The following CCHCR1 variants were observed in gnomAD, a reference collection of about 807,000 sequenced individuals.
CCHCR1 encodes coiled-coil alpha-helical rod protein 1.
A neutral mutation model predicts 114.6 loss-of-function variants in CCHCR1; 91 were observed. The ratio of observed to expected loss-of-function variants is 0.79; its 90% CI spans 0.67 to 0.94. CCHCR1 has a LOEUF of 0.94. CCHCR1 is among the 40% of genes least tolerant of loss of function. CCHCR1 has a pLI of 0.00. For synonymous variants in CCHCR1, 379 were observed against 428.5 expected (o/e 0.88, Z 1.43); for missense variants, 899 against 1,079.9 (o/e 0.83, Z 2.35).
chr6:31,146,639 G>T (rs1300699912), intron 10 of CCHCR1, among the ~76,000 whole-genome samples: 2 of 152,186 alleles, frequency 1.3e-5, no homozygotes, highest in Non-Finnish European at 2.9e-5. Context: ...TCTGGAAATT[G>T]TTCCAGTAGA....
chr6:31,154,965 A>G lies in CCHCR1; in HGVS notation c.498-166T>C, dbSNP rs2151060350. 6.6e-6 allele frequency among the ~76,000 whole-genome samples: 1 copy of G among 152,252 alleles called. No individual in the cohort carries two copies. Among genetic ancestry groups the G allele is most frequent in the East Asian group, 1.9e-4 (1 of 5,170 alleles). On this transcript the variant is annotated intron_variant, in intron 3 of 17. Coordinates refer to ENST00000396268, the MANE Select transcript of CCHCR1 (RefSeq NM_001105564.2). This position sits in a 1 kb window ranked among gnomAD's most constrained non-coding sequence, Gnocchi z 4.1. ...TGGGGATGTCTGCATTGACATCATC[A>G]TCATTCATCAAAGCCCTATTGAGCA...
chr6:31,153,658 C>T (rs1243847072), intron 4 of CCHCR1, among the ~76,000 whole-genome samples: 2 of 152,082 alleles, frequency 1.3e-5, no homozygotes, highest in Admixed American at 6.5e-5. Flanking sequence ...CGGCTCACTG[C>T]AACCTCCACT....
In CCHCR1 at chr6:31,151,733, T is replaced by C. The variant is rs527987239; in HGVS notation, c.802-611A>G. On this transcript the variant is annotated intron_variant, in intron 4 of 17. Transcript: ENST00000396268. The surrounding 1 kb of genome is among the most constrained non-coding windows in gnomAD (Gnocchi z 4.1). ...CCATATCTTGCTTATGTGTATGTGT[T>C]ACTATCTGTCGGACCACACTGGAAG... is the stretch of plus-strand genomic sequence containing the variant. Among the ~76,000 whole-genome samples, 44 of 152,326 alleles carry C rather than the reference T, an allele frequency of 2.9e-4. No homozygotes were observed. The highest frequency in any genetic ancestry group is 6.8e-3 in the Middle Eastern group (2 of 294).
Position 31,156,874 on chromosome 6 carries a change from G to A in CCHCR1, c.354C>T (p.Pro118=). The change falls in exon 3 of 18, where the codon CCC becomes CCT. Residue 118 remains proline (P), a synonymous_variant. Transcript: ENST00000396268. ...RPLSTLPRMA[P]TWLSDIPLVQ... is the part of the protein sequence containing the mutation. The stretch of plus-strand genomic sequence containing the variant: ...CCAGGGGAATGTCTGAGAGCCAGGT[G>A]GGAGCCATTCTTGGCAGAGTTGAAA... 1 of 1,612,958 alleles carries A rather than the reference G, an allele frequency of 6.2e-7. No individual in the cohort carries two copies. Among genetic ancestry groups the A allele is most frequent in the East Asian group, 2.2e-5 (1 of 44,880 alleles).
chr6:31,145,506 AAGC>A lies in CCHCR1; in HGVS notation c.1694-16_1694-14del. ...CGAGCAATCAGGCCTGGAGGGGAAA[AAGC>A]AGGGAGAAAAAGAGATGAAGTTTGC... On this transcript the variant is annotated splice_polypyrimidine_tract_variant and intron_variant, in intron 11 of 17. Transcript: ENST00000396268. 6.2e-7 allele frequency: 1 copy of A among 1,613,880 alleles called. No homozygotes were observed. The highest frequency in any genetic ancestry group is 8.5e-7 in the Non-Finnish European group (1 of 1,179,790).
chr6:31,156,274 T>C (rs1314802503), intron 3 of CCHCR1: 2 of 163,946 alleles, frequency 1.2e-5, no homozygotes, highest in Non-Finnish European at 2.6e-5. Flanking sequence ...GATATCCCAG[T>C]ACATCTGGGA....
In CCHCR1 at chr6:31,154,542, C is replaced by T; in HGVS notation, c.755G>A (p.Gly252Glu). Residue 252 changes from glycine (G) to glutamate (E), a missense_variant, in exon 4 of 18, where the codon GGG (glycine) becomes GAG (glutamate). By Grantham distance (98) the Gly-to-Glu change is moderately conservative (BLOSUM62 -2). Coordinates refer to ENST00000396268, the MANE Select transcript of CCHCR1 (RefSeq NM_001105564.2). The surrounding 1 kb of genome is among the most constrained non-coding windows in gnomAD (Gnocchi z 4.1). The part of the protein sequence containing the change: ...AEVVRKNLEE[G>E]SQRELEEVQR... ...AACCTCTTCCAGCTCCCGCTGGCTC[C>T]CCTCTTCCAAGTTCTTCCGGACAAC... is the stretch of plus-strand genomic sequence containing the variant. The T allele has an allele frequency of 1.2e-6, 2 of 1,612,972 alleles. No homozygotes were observed. The highest frequency in any genetic ancestry group is 1.7e-6 in the Non-Finnish European group (2 of 1,179,920).
At chr6:31,148,962 A>G (rs9263761) in intron 8 of CCHCR1, among the ~76,000 whole-genome samples, 127,173 of 151,466 alleles carry the variant, frequency 0.84, 53,629 homozygotes, top group Middle Eastern at 0.95. Flanking sequence ...GATCAGCCTG[A>G]CCAACATGGT....
intron 9 of CCHCR1, 34 bp from the exon 10 acceptor site, chr6:31,148,545 C>T (rs1774688908): frequency 1.9e-6 from 3 of 1,599,128 alleles, no homozygotes; most frequent in Non-Finnish European, 2.6e-6. Flanking sequence ...AGGGTCCCTC[C>T]CTAAGTCCTG....
intron 17 of CCHCR1, 22 bp from the exon 18 acceptor site, chr6:31,142,738 G>A: frequency 1.0e-5 from 16 of 1,599,076 alleles, no homozygotes; most frequent in Non-Finnish European, 1.3e-5. Context: ...GACAGCAGAT[G>A]AGCACCAGAC....
intron 4 of CCHCR1, among the ~76,000 whole-genome samples, chr6:31,152,402 G>A (rs1199106315): frequency 3.3e-5 from 5 of 151,674 alleles, no homozygotes; most frequent in African/African-American, 1.2e-4. Context: ...GCAATGGCAC[G>A]ATCTCAGCTC....
In CCHCR1 at chr6:31,157,755, C is replaced by T; in HGVS notation, c.-155G>A. ...CTTAGCTTCCATGCCTGCTGCCCGC[C>T]TCCTCTTTCTCGAGTCCTAACACAT... On this transcript the variant is annotated 5_prime_UTR_variant, in exon 1 of 18. Transcript: ENST00000396268. 1.6e-6 allele frequency: 1 copy of T among 627,650 alleles called. No homozygotes were observed. The highest frequency in any genetic ancestry group is 2.9e-5 in the Admixed American group (1 of 34,748). The allele number at this position is 627,650 out of a possible 1,614,324, so 38.9% of individuals were successfully genotyped here.
chr6:31,149,979 CAAT>C (rs72545981), intron 8 of CCHCR1, 84 bp downstream of exon 8: 225,111 of 1,480,522 alleles, frequency 0.15, 17,865 homozygotes, highest in Non-Finnish European at 0.17. Flanking sequence ...GGCAACCACT[CAAT>C]AAACACTGGT....
In CCHCR1 at chr6:31,154,519, C is replaced by T; in HGVS notation, c.778G>A (p.Val260Ile). 1 of 1,612,454 alleles carries T rather than the reference C, an allele frequency of 6.2e-7. No homozygotes were observed. The highest frequency in any genetic ancestry group is 8.5e-7 in the Non-Finnish European group (1 of 1,179,508). Residue 260 changes from valine to isoleucine, a missense_variant, in exon 4 of 18, where the codon GTT (valine) becomes ATT (isoleucine). Coordinates refer to ENST00000396268, the MANE Select transcript of CCHCR1 (RefSeq NM_001105564.2). This position sits in a 1 kb window ranked among gnomAD's most constrained non-coding sequence, Gnocchi z 4.1. The part of the protein sequence containing the change: ...EEGSQRELEE[V>I]QRLHQEQLSS... ...ACCTGCTCTTGGTGCAGCCTCTGAA[C>T]CTCTTCCAGCTCCCGCTGGCTCCCC...
In CCHCR1 at chr6:31,149,959, C is replaced by A. The variant is rs979603779; in HGVS notation, c.1362+107G>T. ...TTTTAGTTTTGTTCAGGGCTGTGTGCCCAGCATGTGGCAACCACTCAATAA... is the reference window on the plus strand; with the variant it reads ...TTTTAGTTTTGTTCAGGGCTGTGTGACCAGCATGTGGCAACCACTCAATAA... On this transcript the variant is annotated intron_variant, in intron 8 of 17. Transcript: ENST00000396268. The A allele has an allele frequency of 2.3e-5, 29 of 1,260,812 alleles. No individual in the cohort carries two copies. In the Admixed American group the frequency reaches 5.0e-4, roughly 22 times the overall value. The allele number at this position is 1,260,812 out of a possible 1,614,324, so 78.1% of individuals were successfully genotyped here.
rs9263768 is a variant in CCHCR1 at position 31,151,272 on chromosome 6, C to T, written c.802-150G>A. 0.14 allele frequency: 106,411 copies of T among 763,420 alleles called. 8,264 individuals are homozygous for T. The highest frequency in any genetic ancestry group is 0.16 in the African/African-American group (9,082 of 57,220). 47.3% of individuals were successfully genotyped at this position (763,420 alleles called of 1,614,324 possible). On this transcript the variant is annotated intron_variant, in intron 4 of 17. Transcript: ENST00000396268. The surrounding 1 kb of genome is among the most constrained non-coding windows in gnomAD (Gnocchi z 4.1). The stretch of plus-strand genomic sequence containing the variant: ...AATGGAGAGCTGGCAACTCACTCTC[C>T]GCAGCTGCCCCACAACCCATCAGGA...
At position 31,145,233 on chromosome 6, in the gene CCHCR1, G is replaced by A; in HGVS notation, c.1809C>T (p.Arg603=). 6.2e-7 allele frequency: 1 copy of A among 1,613,586 alleles called. No homozygotes were observed. The highest frequency in any genetic ancestry group is 2.2e-5 in the East Asian group (1 of 44,876). Residue 603 remains arginine, a synonymous_variant, in exon 13 of 18, where the codon CGC becomes CGT. Transcript: ENST00000396268. The stretch of plus-strand genomic sequence containing the variant: ...CACTCAGCTGCAGTTCTGCATCCAG[G>A]CGGTTCCGTTCTTCCCGCAACTGCT... ...ELQQLREERN[R]LDAELQLSAR...
chr6:31,143,016 C>A lies in CCHCR1; in HGVS notation c.2438G>T (p.Cys813Phe). The A allele has an allele frequency of 6.2e-7, 1 of 1,613,068 alleles. No homozygotes were observed. Among genetic ancestry groups the A allele is most frequent in the East Asian group, 2.2e-5 (1 of 44,872 alleles). Residue 813 changes from cysteine (C) to phenylalanine (F), a missense_variant, in exon 17 of 18, where the codon TGT becomes TTT. Physicochemically the swap from Cys to Phe is radical, Grantham distance 205 (BLOSUM62 -2). Transcript: ENST00000396268. The surrounding 1 kb of genome is among the most constrained non-coding windows in gnomAD (Gnocchi z 5.3). Reference protein sequence around the residue: ...SVVSSPRPPECSASAPVAAAV... With the variant: ...SVVSSPRPPEFSASAPVAAAV... ...TGCTGCTACAGGTGCAGATGCTGAA[C>A]ACTCTGGAGGCCTGGGGCTGGACAC...
At position 31,150,463 on chromosome 6, in the gene CCHCR1, T is replaced by C; in HGVS notation, c.1204A>G (p.Thr402Ala). 6.2e-7 allele frequency: 1 copy of C among 1,611,596 alleles called. No individual in the cohort carries two copies. The highest frequency in any genetic ancestry group is 8.5e-7 in the Non-Finnish European group (1 of 1,179,290). Residue 402 changes from threonine (T) to alanine (A), a missense_variant, in exon 7 of 18, where the codon ACC (threonine) becomes GCC (alanine). Physicochemically the swap from Thr to Ala is moderately conservative, Grantham distance 58 (BLOSUM62 0). Transcript: ENST00000396268. This position sits in a 1 kb window ranked among gnomAD's most constrained non-coding sequence, Gnocchi z 5.3. ...TGGGGGTTGGGCTGTACCTTCCTGG[T>C]CAGCTCCTCCTCCTGCAGGGCGAGG... is the stretch of plus-strand genomic sequence containing the variant. ...HILALQEEEL[T>A]RKVQPSDSLE...
Sources: gnomAD v4.1 joint callset for allele counts (sites outside exome capture counted in the v4.1 genomes callset) on GRCh38, gnomAD v4.1.1 for gene constraint, Gnocchi (gnomAD v3.1) non-coding constraint, MANE v1.5 for transcripts, NCBI Gene and HGNC (gene_info 2026-07-23, HGNC 2026-07-21) for gene names.